SLC44A4: variants seen among roughly 807,000 people sequenced by gnomAD.
SLC44A4 encodes choline transporter-like protein 4.
SLC44A4 carries 74 observed loss-of-function variants against 97.0 expected under a neutral mutation model. The ratio of observed to expected loss-of-function variants is 0.76; its 90% confidence interval spans 0.63 to 0.93. SLC44A4 has a LOEUF of 0.93. Ranked by LOEUF, SLC44A4 falls within the 40% of genes least tolerant of loss-of-function variation. The pLI, the probability that SLC44A4 is intolerant of heterozygous loss-of-function variation, is 0.00. For synonymous variants in SLC44A4, 325 were observed against 363.8 expected (o/e 0.89, Z 1.21); for missense variants, 799 against 902.9 (o/e 0.88, Z 1.48).
At chr6:31,866,270 G>A (rs1762869532) in intron 13 of SLC44A4, 144 bp from the exon 14 acceptor site, 4 of 1,092,090 alleles carry the variant, frequency 3.7e-6, no homozygotes, top group South Asian at 3.1e-5. Context: ...ATCAAGTTCT[G>A]TCGGAGAGTT....
In SLC44A4 at chr6:31,877,793, G is replaced by C. The variant is rs906314820; in HGVS notation, c.41-711C>G. 3 of 183,708 alleles carry C rather than the reference G, an allele frequency of 1.6e-5. No individual in the cohort carries two copies. Among genetic ancestry groups the C allele is most frequent in the African/African-American group, 4.8e-5 (2 of 41,974 alleles). The allele number at this position is 183,708 out of a possible 1,614,324, so 11.4% of individuals were successfully genotyped here. A position where few individuals can be genotyped will look rare whatever the true frequency, so the allele number is the denominator to read the frequency against. On this transcript the variant is annotated intron_variant, in intron 1 of 20. Coordinates refer to ENST00000229729, the MANE Select transcript of SLC44A4 (RefSeq NM_025257.3). The surrounding 1 kb of genome is among the most constrained non-coding windows in gnomAD (Gnocchi z 6.5). ...CCCTGAGTACACACACAGGGAGGAGGAGGGCTGGGCAGTCAGGGTTCCTTG... is the reference window on the plus strand; with the variant it reads ...CCCTGAGTACACACACAGGGAGGAGCAGGGCTGGGCAGTCAGGGTTCCTTG...
At chr6:31,869,999 G>C (rs1234430062) in intron 11 of SLC44A4, among the ~76,000 whole-genome samples, 4 of 151,720 alleles carry the variant, frequency 2.6e-5, no homozygotes, top group African/African-American at 9.7e-5. Context: ...AAAAAAAAAG[G>C]GGGGGGCTGA....
Position 31,863,452 on chromosome 6 carries a change from C to G in SLC44A4, c.*175G>C. On this transcript the variant is annotated 3_prime_UTR_variant, in exon 21 of 21. Transcript: ENST00000229729. ...ATGTTGGCCAGGCTGGTCTCGAACT[C>G]CTGACTCAGGTGATCCGCCCGCCTC... 2.3e-6 allele frequency: 2 copies of G among 878,206 alleles called. No homozygotes were observed. Among genetic ancestry groups the G allele is most frequent in the Non-Finnish European group, 3.3e-6 (2 of 611,762 alleles). 54.4% of individuals were successfully genotyped at this position (878,206 alleles called of 1,614,324 possible).
At position 31,863,596 on chromosome 6, in the gene SLC44A4, G is replaced by C; in HGVS notation, c.*31C>G. 1 of 1,582,998 alleles carries C rather than the reference G, an allele frequency of 6.3e-7. No individual in the cohort carries two copies. Among genetic ancestry groups the C allele is most frequent in the African/African-American group, 1.4e-5 (1 of 72,936 alleles). ...GGTTGGATGGCTGGACGGTGGGGGT[G>C]GGGTGCAGTCCTGGATCAGGGCCGG... is the stretch of plus-strand genomic sequence containing the variant. On this transcript the variant is annotated 3_prime_UTR_variant, in exon 21 of 21. Transcript: ENST00000229729.
In SLC44A4 at chr6:31,874,674, C is replaced by T; in HGVS notation, c.468+47G>A. The T allele has an allele frequency of 6.3e-7, 1 of 1,576,042 alleles. No homozygotes were observed. Among genetic ancestry groups the T allele is most frequent in the South Asian group, 1.2e-5 (1 of 83,538 alleles). Reference sequence around the variant, plus strand: ...CAACTCCCCCTCCCTCTCGTGCCCACCCTGGCCCTTCTGGGCGACAGTGAT... The same window carrying T: ...CAACTCCCCCTCCCTCTCGTGCCCATCCTGGCCCTTCTGGGCGACAGTGAT... On this transcript the variant is annotated intron_variant, in intron 6 of 20. Coordinates refer to ENST00000229729, the MANE Select transcript of SLC44A4 (RefSeq NM_025257.3). This position sits in a 1 kb window ranked among gnomAD's most constrained non-coding sequence, Gnocchi z 4.8.
In SLC44A4 at chr6:31,874,655, C is replaced by A; in HGVS notation, c.468+66G>T. On this transcript the variant is annotated intron_variant, in intron 6 of 20. Coordinates refer to ENST00000229729, the MANE Select transcript of SLC44A4 (RefSeq NM_025257.3). This position sits in a 1 kb window ranked among gnomAD's most constrained non-coding sequence, Gnocchi z 4.8. Reference sequence around the variant, plus strand: ...AACCTGGTGATGATCTACCCAACTCCCCCTCCCTCTCGTGCCCACCCTGGC... The same window carrying A: ...AACCTGGTGATGATCTACCCAACTCACCCTCCCTCTCGTGCCCACCCTGGC... The A allele has an allele frequency of 6.4e-7, 1 of 1,565,816 alleles. No individual in the cohort carries two copies. The highest frequency in any genetic ancestry group is 1.2e-5 in the South Asian group (1 of 81,772).
At position 31,864,889 on chromosome 6, in the gene SLC44A4, A is replaced by G. The variant is rs548136081; in HGVS notation, c.1853T>C (p.Phe618Ser). Residue 618 changes from phenylalanine to serine, a missense_variant, in exon 19 of 21, where the codon TTC (phenylalanine) becomes TCC (serine). Physicochemically the swap from Phe to Ser is radical, Grantham distance 155. Coordinates refer to ENST00000229729, the MANE Select transcript of SLC44A4 (RefSeq NM_025257.3). ...GGVGVLSFFF[F>S]SGRIPGLGKD... ...ACCCAGCCCCGGGATGCGACCGGAG[A>G]AAAAAAAGAAGGACAGGACCCCTGT... 5.6e-6 allele frequency: 9 copies of G among 1,613,566 alleles called. No homozygotes were observed. The highest frequency in any genetic ancestry group is 4.0e-5 in the African/African-American group (3 of 74,818).
chr6:31,866,230 G>C, intron 13 of SLC44A4, 104 bp from the exon 14 acceptor site: 1 of 1,426,750 alleles, frequency 7.0e-7, no homozygotes, highest in Non-Finnish European at 9.5e-7. Context: ...AGAGTTGACA[G>C]GTGGGAAGTA....
chr6:31,865,800 T>C lies in SLC44A4; in HGVS notation c.1488-16A>G, dbSNP rs1342701696. ...AGTGTGGTAACTGCAGAGGGTGTTA[T>C]GCAGTCAGAGACAGCTCCAGGACCC... On this transcript the variant is annotated splice_polypyrimidine_tract_variant and intron_variant, in intron 14 of 20. Coordinates refer to ENST00000229729, the MANE Select transcript of SLC44A4 (RefSeq NM_025257.3). This position sits in a 1 kb window ranked among gnomAD's most constrained non-coding sequence, Gnocchi z 5.2. 4 of 1,613,914 alleles carry C rather than the reference T, an allele frequency of 2.5e-6. No individual in the cohort carries two copies. The highest frequency in any genetic ancestry group is 2.2e-5 in the East Asian group (1 of 44,866).
In SLC44A4 at chr6:31,866,111, A is replaced by C. The variant is rs1004659565; in HGVS notation, c.1249T>G (p.Ser417Ala). 6 of 1,613,856 alleles carry C rather than the reference A, an allele frequency of 3.7e-6. No homozygotes were observed. The highest frequency in any genetic ancestry group is 4.2e-6 in the Non-Finnish European group (5 of 1,179,966). ...SCNPTAHLVNSSCPGLMCVFQ... is the reference protein window; with the variant it reads ...SCNPTAHLVNASCPGLMCVFQ... ...ACGCACATCAGCCCTGGGCACGAGGAGTTCACAAGGTGGGCCTGGGAGGGT... is the reference window on the plus strand; with the variant it reads ...ACGCACATCAGCCCTGGGCACGAGGCGTTCACAAGGTGGGCCTGGGAGGGT... The change falls in exon 14 of 21, where the codon TCC (serine) becomes GCC (alanine). Residue 417 changes from serine (S) to alanine (A), a missense_variant. By Grantham distance (99) the Ser-to-Ala change is moderately conservative (BLOSUM62 1). Transcript: ENST00000229729.
intron 9 of SLC44A4, 102 bp downstream of exon 9, chr6:31,871,212 C>T: frequency 4.5e-6 from 6 of 1,337,422 alleles, no homozygotes; most frequent in Non-Finnish European, 6.4e-6. Flanking sequence ...TCTGGCTCCT[C>T]CTCCTCTGTC....
chr6:31,869,086 T>C (rs913597481), intron 13 of SLC44A4, 69 bp downstream of exon 13: 2 of 1,291,328 alleles, frequency 1.5e-6, no homozygotes, highest in Admixed American at 4.5e-5. Context: ...CTCTGCACAA[T>C]GAGGAATGTG....
chr6:31,867,229 G>A (rs1762914760), intron 13 of SLC44A4, among the ~76,000 whole-genome samples: 3 of 151,282 alleles, frequency 2.0e-5, no homozygotes, highest in South Asian at 4.2e-4. Flanking sequence ...GCAGGTGTGT[G>A]CCACCATGCC....
Position 31,878,977 on chromosome 6 carries a change from C to G in SLC44A4, c.4G>C (p.Gly2Arg), listed in dbSNP as rs753924619. The G allele has an allele frequency of 1.9e-6, 3 of 1,613,726 alleles. No individual in the cohort carries two copies. The highest frequency in any genetic ancestry group is 2.5e-6 in the Non-Finnish European group (3 of 1,179,928). M[G>R]GKQRDEDDEA... is the part of the protein sequence containing the mutation. ...TCATCCTCGTCCCGCTGCTTTCCCC[C>G]CATGGCTCAGTCTCCGGAGTGATTG... Residue 2 changes from glycine (G) to arginine (R), a missense_variant, in exon 1 of 21, where the codon GGG (glycine) becomes CGG (arginine). Transcript: ENST00000229729. The surrounding 1 kb of genome is among the most constrained non-coding windows in gnomAD (Gnocchi z 4.0).
intron 11 of SLC44A4, among the ~76,000 whole-genome samples, chr6:31,870,000 G>C (rs957106909): frequency 6.6e-5 from 10 of 151,868 alleles, no homozygotes; most frequent in African/African-American, 2.2e-4. Flanking sequence ...AAAAAAAAGG[G>C]GGGGGCTGAC....
chr6:31,872,285 G>C (rs1386475085), intron 7 of SLC44A4, among the ~76,000 whole-genome samples: 1 of 152,142 alleles, frequency 6.6e-6, no homozygotes, highest in African/African-American at 2.4e-5. Context: ...ACCCAGGCTA[G>C]AGTGCAGCTG....
chr6:31,873,909 C>A (rs1181330547), intron 7 of SLC44A4, among the ~76,000 whole-genome samples: 1 of 151,554 alleles, frequency 6.6e-6, no homozygotes, highest in African/African-American at 2.4e-5. Context: ...CCCGTCTCTA[C>A]TAAAAATACA....
In SLC44A4 at chr6:31,869,166, A is replaced by G. The variant is rs1378189739; in HGVS notation, c.1222T>C (p.Cys408Arg). 1.2e-6 allele frequency: 2 copies of G among 1,608,150 alleles called. No homozygotes were observed. Among genetic ancestry groups the G allele is most frequent in the Non-Finnish European group, 1.7e-6 (2 of 1,177,556 alleles). Residue 408 changes from cysteine to arginine, a missense_variant, in exon 13 of 21, where the codon TGC becomes CGC. Coordinates refer to ENST00000229729, the MANE Select transcript of SLC44A4 (RefSeq NM_025257.3). ...GCEKVPINTS[C>R]NPTAHLVNSS... ...CTGCTTCCTCTTACCGTGGGGTTGC[A>G]TGATGTATTTATTGGCACTTTCTCA...
Position 31,875,837 on chromosome 6 carries a change from C to T in SLC44A4, c.242+15G>A, listed in dbSNP as rs749627464. ...CGCCTCGCTCCTGCACTCCTCTTCT[C>T]GCCTTTGTACTCACTTGTTCTCCCC... On this transcript the variant is annotated intron_variant, in intron 4 of 20. Coordinates refer to ENST00000229729, the MANE Select transcript of SLC44A4 (RefSeq NM_025257.3). 6.3e-6 allele frequency: 10 copies of T among 1,594,492 alleles called. No homozygotes were observed. The East Asian group carries it at 6.7e-5, about 11-fold the overall frequency.
Sources: gnomAD v4.1 joint callset for allele counts (sites outside exome capture counted in the v4.1 genomes callset) on GRCh38, gnomAD v4.1.1 for gene constraint, Gnocchi (gnomAD v3.1) non-coding constraint, MANE v1.5 for transcripts, NCBI Gene and HGNC (gene_info 2026-07-23, HGNC 2026-07-21) for gene names.